Variants in ZNF521 observed in about 807,000 individuals in gnomAD.
ZNF521 encodes the protein LYST-interacting protein 3.
In ZNF521, 14 loss-of-function variants were observed where a neutral mutation model predicts 105.5. The ratio of observed to expected loss-of-function variants is 0.13; its 90% confidence interval spans 0.09 to 0.21. The LOEUF (loss-of-function observed/expected upper bound fraction) is 0.21. ZNF521 is among the 10% of genes least tolerant of loss of function. ZNF521 has a pLI of 1.00. For missense variants in ZNF521, 1,233 were observed against 1,629.7 expected, an observed-to-expected ratio of 0.76 and a Z score of 4.19; for synonymous variants, 635 against 606.0, an observed-to-expected ratio of 1.05 and a Z score of -0.70.
chr18:25,224,104 G>A (rs1265393616), intron 4 of ZNF521: 1 of 481,908 alleles, frequency 2.1e-6, no homozygotes, highest in African/African-American at 1.9e-5. Context: ...CAGTCATAGA[G>A]AAGACAATAT....
chr18:25,344,256 T>C (rs912356095), intron 2 of ZNF521, among the ~76,000 whole-genome samples: 1 of 151,864 alleles, frequency 6.6e-6, no homozygotes, highest in Admixed American at 6.6e-5. Context: ...ATTTATCTTG[T>C]GTCGGGCTTT....
rs1359063933 is a variant in ZNF521, at chr18:25,225,461, A to T, written c.2457T>A (p.His819Gln). The T allele has an allele frequency of 6.2e-7, 1 of 1,614,180 alleles. No homozygotes were observed. The highest frequency in any genetic ancestry group is 2.2e-5 in the East Asian group (1 of 44,878). ...YNCKFCSKAF[H>Q]AIILLEKHLR... is the part of the protein sequence containing the mutation. ...AGTGTTTTTCTAACAAAATGATCGC[A>T]TGGAAGGCTTTGCTACAGAACTTGC... Residue 819 changes from histidine (H) to glutamine (Q), a missense_variant, in exon 4 of 8, where the codon CAT (histidine) becomes CAA (glutamine). Transcript: ENST00000361524. This position sits in a 1 kb window ranked among gnomAD's most constrained non-coding sequence, Gnocchi z 5.6.
chr18:25,251,219 C>T (rs1011229226), intron 3 of ZNF521, among the ~76,000 whole-genome samples: 1 of 152,158 alleles, frequency 6.6e-6, no homozygotes, highest in African/African-American at 2.4e-5. Flanking sequence ...CAACAGCATT[C>T]GATGGAACTG....
intron 3 of ZNF521, among the ~76,000 whole-genome samples, chr18:25,316,493 T>G (rs947619282): frequency 2.6e-5 from 4 of 151,894 alleles, no homozygotes; most frequent in Non-Finnish European, 2.9e-5. Context: ...AAGCCAACAC[T>G]GGAACTGTCA....
At chr18:25,350,565 A>T (rs1195317763) in intron 2 of ZNF521, among the ~76,000 whole-genome samples, 1 of 152,138 alleles carries the variant, frequency 6.6e-6, no homozygotes, top group Non-Finnish European at 1.5e-5. Flanking sequence ...CCTCCAGCCC[A>T]GATGTAGATC....
chr18:25,139,027 T>C (rs1418714552), intron 5 of ZNF521, among the ~76,000 whole-genome samples: 1 of 152,174 alleles, frequency 6.6e-6, no homozygotes, highest in African/African-American at 2.4e-5. Context: ...AGAATCTATA[T>C]GCCTGTTGGG....
chr18:25,075,059 G>A (rs985472891), intron 7 of ZNF521, among the ~76,000 whole-genome samples: 12 of 152,014 alleles, frequency 7.9e-5, no homozygotes, highest in African/African-American at 2.4e-4. Context: ...AGGGCCAGGC[G>A]GCAGGCATGG....
At chr18:25,132,154 C>T (rs905181305) in intron 5 of ZNF521, among the ~76,000 whole-genome samples, 3 of 152,184 alleles carry the variant, frequency 2.0e-5, no homozygotes, top group East Asian at 1.9e-4. Context: ...TGGTGTGAAA[C>T]GGGAGTACTG....
At chr18:25,120,818 G>A (rs2144347365) in intron 5 of ZNF521, among the ~76,000 whole-genome samples, 1 of 152,184 alleles carries the variant, frequency 6.6e-6, no homozygotes, top group East Asian at 1.9e-4. Flanking sequence ...CAAATACCTT[G>A]GCTCCCTTCT....
At chr18:25,082,637 A>G (rs1389657895) in intron 7 of ZNF521, 3 of 426,492 alleles carry the variant, frequency 7.0e-6, no homozygotes, top group African/African-American at 6.1e-5. Context: ...GGGGTTTGAG[A>G]CCAGCCTGGG....
At chr18:25,176,622 G>A (rs1450532303) in intron 5 of ZNF521, among the ~76,000 whole-genome samples, 3 of 152,152 alleles carry the variant, frequency 2.0e-5, no homozygotes. Context: ...CTCAGCATTT[G>A]GGGACTTGGG....
intron 4 of ZNF521, among the ~76,000 whole-genome samples, chr18:25,206,593 G>A (rs2036084825): frequency 6.6e-6 from 1 of 151,556 alleles, no homozygotes; most frequent in Non-Finnish European, 1.5e-5. Context: ...ATCCATGTAT[G>A]TGCCCAAATT....
At chr18:25,130,965 TCAA>T (rs752015149) in intron 5 of ZNF521, among the ~76,000 whole-genome samples, 2 of 151,854 alleles carry the variant, frequency 1.3e-5, no homozygotes, top group African/African-American at 2.4e-5. Context: ...AATCAATCAA[TCAA>T]TCAATCAATC....
chr18:25,170,605 T>C (rs1361851480), intron 5 of ZNF521, among the ~76,000 whole-genome samples: 1 of 152,290 alleles, frequency 6.6e-6, no homozygotes, highest in South Asian at 2.1e-4. Flanking sequence ...ACATGAGTTG[T>C]TAACTATCTG....
At chr18:25,246,879 A>AG (rs1179066602) in intron 3 of ZNF521, among the ~76,000 whole-genome samples, 5 of 152,170 alleles carry the variant, frequency 3.3e-5, no homozygotes, top group Non-Finnish European at 7.3e-5. Flanking sequence ...AACCCACAGA[A>AG]GGGGTTCCAT....
intron 5 of ZNF521, among the ~76,000 whole-genome samples, chr18:25,178,746 G>C (rs74887850): frequency 6.6e-6 from 1 of 152,144 alleles, no homozygotes. Context: ...CCAAGTATAG[G>C]TTTTATTGCC....
chr18:25,256,270 C>T (rs1315835668), intron 3 of ZNF521, among the ~76,000 whole-genome samples: 5 of 151,578 alleles, frequency 3.3e-5, no homozygotes, highest in South Asian at 2.1e-4. Flanking sequence ...GACGGAGATG[C>T]GGAATTGTTT....
At chr18:25,106,012 G>A (rs183838587) in intron 5 of ZNF521, among the ~76,000 whole-genome samples, 317 of 152,074 alleles carry the variant, frequency 2.1e-3, no homozygotes, top group African/African-American at 4.1e-3. Context: ...TGTGGTATTC[G>A]TTTTGTTGTT....
chr18:25,178,000 GTTC>G (rs1199209213), intron 5 of ZNF521, among the ~76,000 whole-genome samples: 1 of 152,122 alleles, frequency 6.6e-6, no homozygotes, highest in South Asian at 2.1e-4. Context: ...ATAAAAGAGT[GTTC>G]TTCTTCATTA....
Sources: gnomAD v4.1 joint callset for allele counts (sites outside exome capture counted in the v4.1 genomes callset) on GRCh38, gnomAD v4.1.1 for gene constraint, Gnocchi (gnomAD v3.1) non-coding constraint, MANE v1.5 for transcripts, NCBI Gene and HGNC (gene_info 2026-07-23, HGNC 2026-07-21) for gene names.